The following ARHGEF4 variants were observed in gnomAD, a reference collection of about 807,000 sequenced individuals.
ARHGEF4 encodes Rho guanine nucleotide exchange factor 4.
In ARHGEF4, 119 loss-of-function variants were observed where a neutral mutation model predicts 162.0. That is an observed-to-expected ratio of 0.73 (90% confidence interval 0.63 to 0.86). The LOEUF (loss-of-function observed/expected upper bound fraction) is 0.86. Ranked by LOEUF, ARHGEF4 falls within the 40% of genes least tolerant of loss-of-function variation. The probability of loss-of-function intolerance (pLI) is 0.00; values close to 1 mark genes in which losing one functional copy is unlikely to be tolerated. For synonymous variants in ARHGEF4, 1,014 were observed against 979.9 expected (o/e 1.03, Z -0.65); for missense variants, 2,488 against 2,456.0 (o/e 1.01, Z -0.28).
At chr2:131,023,478 A>T (rs1271341997) in intron 4 of ARHGEF4, among the ~76,000 whole-genome samples, 1 of 152,204 alleles carries the variant, frequency 6.6e-6, no homozygotes, top group Non-Finnish European at 1.5e-5. Context: ...ACCAAAGAGG[A>T]TATATGGCAA....
chr2:131,020,759 A>T (rs866776952), intron 4 of ARHGEF4, among the ~76,000 whole-genome samples: 1 of 152,182 alleles, frequency 6.6e-6, no homozygotes, highest in South Asian at 2.1e-4. Context: ...TCCCTGAGGA[A>T]TCGCCACACT....
At chr2:130,925,772 G>T (rs1387675104) in intron 2 of ARHGEF4, among the ~76,000 whole-genome samples, 1 of 152,072 alleles carries the variant, frequency 6.6e-6, no homozygotes, top group Non-Finnish European at 1.5e-5. Context: ...GATTTCAGAA[G>T]TTTGCTTATG....
chr2:130,976,674 G>C (rs1300400181), intron 4 of ARHGEF4, among the ~76,000 whole-genome samples: 1 of 152,210 alleles, frequency 6.6e-6, no homozygotes, highest in Non-Finnish European at 1.5e-5. Context: ...AAAACTCGAC[G>C]TGTAGGATGT....
chr2:130,916,455 C>G lies in ARHGEF4; in HGVS notation c.2509C>G (p.Pro837Ala). ...CCCCGAGGGGCTCCCCAGGGAGAAT[C>G]CGCCCGCTGCGGCCGGTCGGGACGC... ...SGPEGLPRENPPAAAGRDAPP... is the reference protein window; with the variant it reads ...SGPEGLPRENAPAAAGRDAPP... The change falls in exon 2 of 14, where the codon CCG becomes GCG. Residue 837 changes from proline to alanine, a missense_variant. Physicochemically the swap from Pro to Ala is conservative, Grantham distance 27 (BLOSUM62 -1). Around this residue, in one of 6 missense-constraint regions of ARHGEF4, gnomAD observed 1,642 missense variants for 1,481.5 expected, o/e 1.11. Transcript: ENST00000409359. 1 of 1,541,900 alleles carries G rather than the reference C, an allele frequency of 6.5e-7. No homozygotes were observed. The highest frequency in any genetic ancestry group is 8.7e-7 in the Non-Finnish European group (1 of 1,145,668).
chr2:131,029,098 C>A (rs1355518418), intron 5 of ARHGEF4, among the ~76,000 whole-genome samples: 1 of 151,628 alleles, frequency 6.6e-6, no homozygotes, highest in African/African-American at 2.4e-5. Flanking sequence ...TGGTGGCTCA[C>A]GCCTATAATC....
intron 4 of ARHGEF4, among the ~76,000 whole-genome samples, chr2:130,974,027 T>C (rs1009064484): frequency 6.6e-6 from 1 of 152,012 alleles, no homozygotes; most frequent in Non-Finnish European, 1.5e-5. Context: ...CCCAGCACTT[T>C]GGGAGGCTGA....
chr2:131,009,293 G>A (rs559494788), intron 4 of ARHGEF4, among the ~76,000 whole-genome samples: 1 of 152,292 alleles, frequency 6.6e-6, no homozygotes, highest in South Asian at 2.1e-4. Context: ...ATTCAAAGAT[G>A]TTGTTACAGT....
chr2:130,932,475 C>G, intron 3 of ARHGEF4, among the ~76,000 whole-genome samples: 1 of 152,196 alleles, frequency 6.6e-6, no homozygotes, highest in East Asian at 1.9e-4. Context: ...TCCCAAAGTG[C>G]TGGGATTACA....
At chr2:130,888,066 C>T (rs1459466271) in intron 1 of ARHGEF4, among the ~76,000 whole-genome samples, 1 of 151,996 alleles carries the variant, frequency 6.6e-6, no homozygotes, top group Non-Finnish European at 1.5e-5. Flanking sequence ...TTTGTTGATC[C>T]TCTCTGTTAT....
chr2:130,964,762 G>C (rs1434174760), intron 4 of ARHGEF4, among the ~76,000 whole-genome samples: 1 of 152,226 alleles, frequency 6.6e-6, no homozygotes, highest in Non-Finnish European at 1.5e-5. Flanking sequence ...AGCGGAGGCA[G>C]CTGGTCCTGG....
At position 130,917,353 on chromosome 2, in the gene ARHGEF4, C is replaced by G. The variant is rs780272086; in HGVS notation, c.3407C>G (p.Pro1136Arg). The change falls in exon 2 of 14, where the codon CCC (proline) becomes CGC (arginine). Residue 1136 changes from proline (P) to arginine (R), a missense_variant. Pro to Arg is a moderately radical substitution (Grantham distance 103). Around this residue, in one of 6 missense-constraint regions of ARHGEF4, gnomAD observed 1,642 missense variants for 1,481.5 expected, o/e 1.11. Coordinates refer to ENST00000409359, the MANE Select transcript of ARHGEF4 (RefSeq NM_001367493.1). ...VDSSSGDPER[P>R]KIPKGQTSFL... ...AGCAGTTCAGGGGACCCTGAAAGAC[C>G]CAAGATTCCCAAGGGCCAGACCAGT... The G allele has an allele frequency of 6.4e-7, 1 of 1,550,562 alleles. No homozygotes were observed. The highest frequency in any genetic ancestry group is 1.4e-5 in the African/African-American group (1 of 73,140).
intron 4 of ARHGEF4, among the ~76,000 whole-genome samples, chr2:130,959,916 G>GT (rs954940188): frequency 6.6e-6 from 1 of 152,142 alleles, no homozygotes; most frequent in Admixed American, 6.6e-5. Context: ...TTCTGTTTCT[G>GT]TTTTTTTGTG....
At chr2:131,011,766 C>T (rs1166402238) in intron 4 of ARHGEF4, 1 of 950,160 alleles carries the variant, frequency 1.1e-6, no homozygotes, top group East Asian at 2.6e-5. Context: ...AAGCAGCTCT[C>T]AGGCAGAGGA....
At chr2:131,005,363 G>A (rs1396487569) in intron 4 of ARHGEF4, among the ~76,000 whole-genome samples, 1 of 152,136 alleles carries the variant, frequency 6.6e-6, no homozygotes, top group Non-Finnish European at 1.5e-5. Flanking sequence ...CGATGACATG[G>A]GGTGTCCCAC....
At chr2:131,035,207 T>C in intron 5 of ARHGEF4, 2 of 1,224,888 alleles carry the variant, frequency 1.6e-6, no homozygotes, top group Middle Eastern at 3.2e-4. Context: ...TCCGCCGTGC[T>C]GGCGCTCCTG....
At chr2:130,917,882 G>A (rs1276991323) in intron 2 of ARHGEF4, among the ~76,000 whole-genome samples, 1 of 139,002 alleles carries the variant, frequency 7.2e-6, no homozygotes, top group Non-Finnish European at 1.5e-5. Context: ...GAGTGCAGTC[G>A]CTCCATCTCG....
At chr2:130,896,257 A>G (rs894357734) in intron 1 of ARHGEF4, among the ~76,000 whole-genome samples, 5 of 152,222 alleles carry the variant, frequency 3.3e-5, no homozygotes, top group Non-Finnish European at 5.9e-5. Context: ...TTGTTCTAGA[A>G]TACTTGTAAT....
intron 5 of ARHGEF4, among the ~76,000 whole-genome samples, chr2:131,034,580 G>C (rs965989996): frequency 3.9e-5 from 6 of 152,330 alleles, no homozygotes; most frequent in Admixed American, 3.9e-4. Flanking sequence ...TAACCTTTCA[G>C]AGCCACGTTT....
intron 1 of ARHGEF4, among the ~76,000 whole-genome samples, chr2:130,847,973 C>T (rs937093117): frequency 1.3e-5 from 2 of 152,168 alleles, no homozygotes; most frequent in Non-Finnish European, 2.9e-5. Context: ...TGTCTGTGGG[C>T]GAAGCTGACC....
Sources: gnomAD v4.1 joint callset for allele counts (sites outside exome capture counted in the v4.1 genomes callset) on GRCh38, gnomAD v4.1.1 for gene constraint, gnomAD v4.1.1 regional missense constraint, MANE v1.5 for transcripts, NCBI Gene and HGNC (gene_info 2026-07-23, HGNC 2026-07-21) for gene names.